ETS2: variants seen among roughly 807,000 people sequenced by gnomAD.
ETS2 encodes the protein ETS proto-oncogene 2, transcription factor.
In ETS2, 19 loss-of-function variants were observed where a neutral mutation model predicts 54.9. The ratio of observed to expected loss-of-function variants is 0.35; its 90% CI spans 0.24 to 0.51. The LOEUF (loss-of-function observed/expected upper bound fraction) is 0.51, where lower values mean the gene tolerates loss of function less well. Ranked by LOEUF, ETS2 falls within the 20% of genes least tolerant of loss-of-function variation. The probability of loss-of-function intolerance (pLI) is 0.97; values close to 1 mark genes in which losing one functional copy is unlikely to be tolerated. For synonymous variants in ETS2, 219 were observed against 229.3 expected, an observed-to-expected ratio of 0.95 and a Z score of 0.41; for missense variants, 417 against 593.0, an observed-to-expected ratio of 0.70 and a Z score of 3.08.
Position 38,808,590 on chromosome 21 carries a change from A to ATG in ETS2, c.1-1419_1-1418dup, listed in dbSNP as rs56269044. ...TTTTAGCCAAGAGGGGTGTGTGTGT[A>ATG]TGTGTGTGTGTGTGTGTGTGTGTGT... On this transcript the variant is annotated intron_variant, in intron 1 of 9. Transcript: ENST00000360938. Among the ~76,000 whole-genome samples, 316 of 148,308 alleles carry ATG rather than the reference A, an allele frequency of 2.1e-3. 1 individual carries two copies. The highest frequency in any genetic ancestry group is 6.7e-3 in the South Asian group (31 of 4,650).
At chr21:38,805,360 A>G, upstream of ETS2, 1 of 1,288,856 alleles carries the variant, frequency 7.8e-7, no homozygotes, top group Non-Finnish European at 1.0e-6. The surrounding 1 kb of genome is among the most constrained non-coding windows in gnomAD (Gnocchi z 5.2). Context: ...GGGTCGGCTC[A>G]ATTTCAGGGC....
intron 7 of ETS2, 88 bp downstream of exon 7, chr21:38,818,734 G>A (rs2060945333): frequency 2.7e-6 from 4 of 1,455,594 alleles, no homozygotes; most frequent in East Asian, 2.3e-5. Flanking sequence ...AATACTTCCT[G>A]GATTCAGCCA....
intron 8 of ETS2, 149 bp downstream of exon 8, chr21:38,819,915 G>GT: frequency 1.3e-6 from 1 of 770,118 alleles, no homozygotes; most frequent in Non-Finnish European, 2.0e-6. Context: ...GTGGCTTGCT[G>GT]TATCTCTGAA....
chr21:38,822,608 A>G (rs1601433785), intron 9 of ETS2, 66 bp from the exon 10 acceptor site: 1 of 1,339,998 alleles, frequency 7.5e-7, no homozygotes, highest in East Asian at 2.3e-5. Flanking sequence ...ATCAGGGAGG[A>G]ATGTCATTCA....
At position 38,819,644 on chromosome 21, in the gene ETS2, G is replaced by A; in HGVS notation, c.953G>A (p.Cys318Tyr). The change falls in exon 8 of 10, where the codon TGC becomes TAC. Residue 318 changes from cysteine (C) to tyrosine (Y), a missense_variant. Cys to Tyr is a radical substitution (Grantham distance 194). Coordinates refer to ENST00000360938, the MANE Select transcript of ETS2 (RefSeq NM_005239.6). ...TCCTTCGAGAGCTTCGAAGATGACT[G>A]CAGCCAGTCTCTCTGCCTCAATAAG... ...VPSFESFEDD[C>Y]SQSLCLNKPT... 1 of 1,614,114 alleles carries A rather than the reference G, an allele frequency of 6.2e-7. No individual in the cohort carries two copies. The highest frequency in any genetic ancestry group is 8.5e-7 in the Non-Finnish European group (1 of 1,180,004).
In ETS2 at chr21:38,819,539, C is replaced by T. The variant is rs138783369; in HGVS notation, c.848C>T (p.Ala283Val). 2.3e-5 allele frequency: 37 copies of T among 1,614,028 alleles called. No homozygotes were observed. The highest frequency in any genetic ancestry group is 6.6e-5 in the South Asian group (6 of 91,088). ...PKDHDSPENGADSFESSDSLL... is the reference protein window; with the variant it reads ...PKDHDSPENGVDSFESSDSLL... Reference sequence around the variant, plus strand: ...GACCACGACTCCCCTGAGAACGGTGCGGACAGCTTCGAGAGCTCAGACTCC... The same window carrying T: ...GACCACGACTCCCCTGAGAACGGTGTGGACAGCTTCGAGAGCTCAGACTCC... The change falls in exon 8 of 10, where the codon GCG (alanine) becomes GTG (valine). Residue 283 changes from alanine (A) to valine (V), a missense_variant. Physicochemically the swap from Ala to Val is moderately conservative, Grantham distance 64. Coordinates refer to ENST00000360938, the MANE Select transcript of ETS2 (RefSeq NM_005239.6).
chr21:38,805,669 T>C (rs1242745115), upstream of ETS2: 17 of 1,185,954 alleles, frequency 1.4e-5, no homozygotes, highest in Non-Finnish European at 1.5e-5. The surrounding 1 kb of genome is among the most constrained non-coding windows in gnomAD (Gnocchi z 5.2). Flanking sequence ...GCCTCCGCCC[T>C]CCTCTTCTCT....
chr21:38,816,742 G>A (rs1358972721), intron 5 of ETS2, among the ~76,000 whole-genome samples: 2 of 152,154 alleles, frequency 1.3e-5, no homozygotes, highest in Non-Finnish European at 2.9e-5. Context: ...TACACCATCT[G>A]GACCTTTTGC....
chr21:38,812,610 G>A (rs1209955), intron 2 of ETS2, among the ~76,000 whole-genome samples: 125,514 of 152,078 alleles, frequency 0.83, 52,316 homozygotes, highest in Middle Eastern at 0.87. Context: ...GTGAAACCCT[G>A]TCTGTACTAA....
In ETS2 at chr21:38,816,078, GGGAGGGGAGGGAGGGAGGGAGGGA is replaced by G. The variant is rs2060933800; in HGVS notation, c.506-927_506-904del. Among the ~76,000 whole-genome samples, 3 of 3,714 alleles carry G rather than the reference GGGAGGGGAGGGAGGGAGGGAGGGA, an allele frequency of 8.1e-4. 1 individual carries two copies. Among genetic ancestry groups the G allele is most frequent in the African/African-American group, 3.3e-3 (3 of 898 alleles). 2.4% of individuals were successfully genotyped at this position (3,714 alleles called of 152,430 possible). A position where few individuals can be genotyped will look rare whatever the true frequency, so the allele number is the denominator to read the frequency against. ...GGGAGGGGAGGGAGGGAGGGAGGGA[GGGAGGGGAGGGAGGGAGGGAGGGA>G]GGGAGGGAAAGAAATAAAATACAGT... On this transcript the variant is annotated intron_variant, in intron 5 of 9. Transcript: ENST00000360938.
In ETS2 at chr21:38,820,502, G is replaced by A. The variant is rs568273427; in HGVS notation, c.1075+736G>A. Among the ~76,000 whole-genome samples, 3 of 151,236 alleles carry A rather than the reference G, an allele frequency of 2.0e-5. No homozygotes were observed. The South Asian group carries it at 6.3e-4, about 32-fold the overall frequency. The stretch of plus-strand genomic sequence containing the variant: ...GAAAGAGTGTGTGAAAGCCATTATC[G>A]GTTTCATTATTGGGAGTTTAGGGCC... On this transcript the variant is annotated intron_variant, in intron 8 of 9. Transcript: ENST00000360938.
chr21:38,816,985 C>A (rs374338058), intron 5 of ETS2, 23 bp from the exon 6 acceptor site: 2 of 1,402,304 alleles, frequency 1.4e-6, no homozygotes, highest in South Asian at 1.2e-5. Context: ...TGCCATCTTA[C>A]GTCTCCTGTG....
At chr21:38,810,146 A>C (rs1310016437) in intron 2 of ETS2, 40 bp downstream of exon 2, 1 of 1,251,960 alleles carries the variant, frequency 8.0e-7, no homozygotes, top group Non-Finnish European at 1.1e-6. Flanking sequence ...TAATTGGAAA[A>C]CTCGATCTCT....
In ETS2 at chr21:38,806,384, G is replaced by C. The variant is rs890731933; in HGVS notation, c.-1+264G>C. On this transcript the variant is annotated intron_variant, in intron 1 of 9. Transcript: ENST00000360938. The surrounding 1 kb of genome is among the most constrained non-coding windows in gnomAD (Gnocchi z 4.3). ...CCTGCGTGCTAGGGCCGCTGTCTTCGGGGTCGCCTAGCGGCGGGCGCGGCC... is the reference window on the plus strand; with the variant it reads ...CCTGCGTGCTAGGGCCGCTGTCTTCCGGGTCGCCTAGCGGCGGGCGCGGCC... The C allele has an allele frequency of 2.0e-6, 2 of 985,556 alleles. No individual in the cohort carries two copies. Among genetic ancestry groups the C allele is most frequent in the Non-Finnish European group, 2.4e-6 (2 of 830,134 alleles). The allele number at this position is 985,556 out of a possible 1,614,324, so 61.1% of individuals were successfully genotyped here.
upstream of ETS2, chr21:38,805,405 C>G: frequency 7.8e-7 from 1 of 1,288,756 alleles, no homozygotes; most frequent in Non-Finnish European, 1.0e-6. This position sits in a 1 kb window ranked among gnomAD's most constrained non-coding sequence, Gnocchi z 5.2. Flanking sequence ...TTCGGTGCCA[C>G]CAGCACCACT....
At position 38,821,949 on chromosome 21, in the gene ETS2, G is replaced by C. The variant is rs1017605719; in HGVS notation, c.1194+245G>C. Among the ~76,000 whole-genome samples, 24 of 152,174 alleles carry C rather than the reference G, an allele frequency of 1.6e-4. No individual in the cohort carries two copies. The highest frequency in any genetic ancestry group is 1.4e-3 in the Admixed American group (22 of 15,290). ...ACAGATTTCACTGTCTTGATCAGTTGTCTGATCAAGAGGCCCAAGCTGCAA... is the reference window on the plus strand; with the variant it reads ...ACAGATTTCACTGTCTTGATCAGTTCTCTGATCAAGAGGCCCAAGCTGCAA... On this transcript the variant is annotated intron_variant, in intron 9 of 9. Transcript: ENST00000360938. The surrounding 1 kb of genome is among the most constrained non-coding windows in gnomAD (Gnocchi z 4.2).
At chr21:38,811,185 T>TA (rs11288156) in intron 2 of ETS2, among the ~76,000 whole-genome samples, 91 of 147,604 alleles carry the variant, frequency 6.2e-4, no homozygotes, top group South Asian at 1.1e-3. Flanking sequence ...TTCCTGGCTT[T>TA]AAAAAAAAAA....
At chr21:38,805,671 C>T (rs749309385), upstream of ETS2, 13 of 1,189,668 alleles carry the variant, frequency 1.1e-5, no homozygotes, top group Middle Eastern at 3.8e-4. The surrounding 1 kb of genome is among the most constrained non-coding windows in gnomAD (Gnocchi z 5.2). Context: ...CTCCGCCCTC[C>T]TCTTCTCTCC....
intron 2 of ETS2, among the ~76,000 whole-genome samples, chr21:38,812,138 GT>G (rs1031162093): frequency 4.6e-5 from 7 of 152,210 alleles, no homozygotes; most frequent in African/African-American, 1.7e-4. Flanking sequence ...AGCATCTCTA[GT>G]TTCAGTTAAA....
Sources: allele counts gnomAD v4.1 joint callset (sites outside exome capture counted in the v4.1 genomes callset), GRCh38; gene constraint gnomAD v4.1.1; non-coding constraint Gnocchi (gnomAD v3.1); transcripts MANE v1.5; gene names NCBI Gene and HGNC (gene_info 2026-07-23, HGNC 2026-07-21).